Variants in GALNT14 observed in about 807,000 individuals in gnomAD.
The protein encoded by GALNT14 is polypeptide N-acetylgalactosaminyltransferase 14.
GALNT14 carries 60 observed loss-of-function variants against 77.5 expected under a neutral mutation model. That is an observed-to-expected ratio of 0.77 (90% CI 0.63 to 0.96). GALNT14 has a LOEUF of 0.96. Among genes scored for constraint, GALNT14 ranks in the 40% least tolerant of loss-of-function variants. GALNT14 has a pLI of 0.00. For synonymous variants in GALNT14, 280 were observed against 281.7 expected (o/e 0.99, Z 0.06); for missense variants, 710 against 731.0 (o/e 0.97, Z 0.33).
intron 9 of GALNT14, among the ~76,000 whole-genome samples, chr2:30,940,441 G>A (rs1057211168): frequency 2.6e-5 from 4 of 152,212 alleles, no homozygotes; most frequent in African/African-American, 9.7e-5. Flanking sequence ...AGAAGATGGG[G>A]TAGCTAGGCT....
At chr2:30,937,186 C>T (rs1037785449) in intron 9 of GALNT14, among the ~76,000 whole-genome samples, 4 of 152,232 alleles carry the variant, frequency 2.6e-5, no homozygotes, top group Admixed American at 1.3e-4. Context: ...TAAACTACTC[C>T]AGCAGGTCAC....
At chr2:31,032,333 C>T (rs986828200) in intron 1 of GALNT14, among the ~76,000 whole-genome samples, 2 of 152,152 alleles carry the variant, frequency 1.3e-5, no homozygotes, top group Admixed American at 6.5e-5. Context: ...CGCCTAAGCC[C>T]AGGGTTGGGA....
At chr2:31,027,652 T>C (rs1051493283) in intron 1 of GALNT14, among the ~76,000 whole-genome samples, 2 of 152,172 alleles carry the variant, frequency 1.3e-5, no homozygotes, top group Non-Finnish European at 2.9e-5. Flanking sequence ...CAAGAATTCC[T>C]TTCAGGATTA....
chr2:30,960,233 C>T (rs1667601915), intron 3 of GALNT14, among the ~76,000 whole-genome samples: 1 of 152,130 alleles, frequency 6.6e-6, no homozygotes, highest in Non-Finnish European at 1.5e-5. Flanking sequence ...CCAAAGAAAA[C>T]ACATACAAAC....
At chr2:30,966,555 T>C (rs573362792) in intron 2 of GALNT14, among the ~76,000 whole-genome samples, 1 of 152,080 alleles carries the variant, frequency 6.6e-6, no homozygotes, top group Non-Finnish European at 1.5e-5. Flanking sequence ...ACGAATTGAG[T>C]TGATATACTG....
chr2:31,097,568 G>C (rs1254502988), intron 1 of GALNT14, among the ~76,000 whole-genome samples: 1 of 152,014 alleles, frequency 6.6e-6, no homozygotes. Flanking sequence ...GAGTGTTATG[G>C]CCTATAAGAA....
In GALNT14 at chr2:31,128,378, G is replaced by A. The variant is rs374110884; in HGVS notation, c.129+9580C>T. Among the ~76,000 whole-genome samples, 331 of 152,284 alleles carry A rather than the reference G, an allele frequency of 2.2e-3. 4 individuals carry two copies. The South Asian group carries it at 0.025, about 11-fold the overall frequency. Reference sequence around the variant, plus strand: ...AGGGCACCCTCTACATTAAGGTGACGTTGGATATCTTCTAAAGTCACTTCC... The same window carrying A: ...AGGGCACCCTCTACATTAAGGTGACATTGGATATCTTCTAAAGTCACTTCC... On this transcript the variant is annotated intron_variant, in intron 1 of 14. Transcript: ENST00000349752.
rs1573030994 is a variant in GALNT14 at position 30,955,646 on chromosome 2, A to G, written c.626T>C (p.Leu209Pro). The G allele has an allele frequency of 6.2e-7, 1 of 1,614,180 alleles. No homozygotes were observed. The highest frequency in any genetic ancestry group is 8.5e-7 in the Non-Finnish European group (1 of 1,180,030). ...TTTGACCCTGTGCAACAGAGGCTGG[A>G]GCCAGTCCCTGTTCACCTCACAGTG... ...DSHCEVNRDW[L>P]QPLLHRVKED... Residue 209 changes from leucine (L) to proline (P), a missense_variant, in exon 6 of 15, where the codon CTC (leucine) becomes CCC (proline). By Grantham distance (98) the Leu-to-Pro change is moderately conservative. Coordinates refer to ENST00000349752, the MANE Select transcript of GALNT14 (RefSeq NM_024572.4).
chr2:30,911,164 A>G, intron 14 of GALNT14, 105 bp from the exon 15 acceptor site: 1 of 994,346 alleles, frequency 1.0e-6, no homozygotes, highest in Non-Finnish European at 1.5e-6. Flanking sequence ...TCACTGAGAG[A>G]CTTGATTTCA....
intron 1 of GALNT14, chr2:31,132,835 C>T: frequency 4.9e-6 from 2 of 407,800 alleles, no homozygotes; most frequent in Non-Finnish European, 1.0e-5. Context: ...AGGAGTCATG[C>T]AGCTGGAGGC....
intron 9 of GALNT14, among the ~76,000 whole-genome samples, chr2:30,937,677 G>T (rs1666136903): frequency 6.6e-6 from 1 of 152,132 alleles, no homozygotes; most frequent in Non-Finnish European, 1.5e-5. Flanking sequence ...ACTTTTAAGG[G>T]CTCAAGTGTT....
At position 31,088,008 on chromosome 2, in the gene GALNT14, C is replaced by A. The variant is rs4951966; in HGVS notation, c.129+49950G>T. Among the ~76,000 whole-genome samples, 1,928 of 152,292 alleles carry A rather than the reference C, an allele frequency of 0.013. 123 individuals are homozygous for A. In the East Asian group the frequency reaches 0.19, roughly 15 times the overall value. Reference sequence around the variant, plus strand: ...ATGAACCAGAGAGTGGACCTTTGACCAGATACAGAATCCACTGGCGCTTTG... The same window carrying A: ...ATGAACCAGAGAGTGGACCTTTGACAAGATACAGAATCCACTGGCGCTTTG... On this transcript the variant is annotated intron_variant, in intron 1 of 14. Coordinates refer to ENST00000349752, the MANE Select transcript of GALNT14 (RefSeq NM_024572.4).
chr2:30,971,523 G>A (rs1668355475), intron 2 of GALNT14, among the ~76,000 whole-genome samples: 1 of 152,120 alleles, frequency 6.6e-6, no homozygotes. Flanking sequence ...CTGACATGCT[G>A]TTTCTTTCTC....
chr2:30,937,728 C>T (rs1049522894), intron 9 of GALNT14, among the ~76,000 whole-genome samples: 5 of 152,308 alleles, frequency 3.3e-5, no homozygotes, highest in Middle Eastern at 3.4e-3. Context: ...AATCTGCTAC[C>T]TTCAGGTCAC....
chr2:31,061,279 T>G (rs1458704854), intron 1 of GALNT14, among the ~76,000 whole-genome samples: 1 of 152,172 alleles, frequency 6.6e-6, no homozygotes, highest in Non-Finnish European at 1.5e-5. Context: ...ATCCAGCTTC[T>G]CAAACCAGAA....
chr2:31,018,123 A>G (rs955642205), intron 1 of GALNT14, among the ~76,000 whole-genome samples: 2 of 152,248 alleles, frequency 1.3e-5, no homozygotes, highest in Non-Finnish European at 2.9e-5. Flanking sequence ...AAATCCTTGG[A>G]GAGCAAGTAG....
chr2:31,054,001 C>T (rs1674059926), intron 1 of GALNT14, among the ~76,000 whole-genome samples: 1 of 152,216 alleles, frequency 6.6e-6, no homozygotes, highest in Admixed American at 6.5e-5. Flanking sequence ...AAAATCCACA[C>T]AGTTCATTCA....
chr2:30,955,944 T>C lies in GALNT14; in HGVS notation c.500A>G (p.Lys167Arg). ...TTCATTATTGCGCAAGCATTTCACC[T>C]TGGGCAACTTGATGAGCTGTTTACA... ...DDCKQLIKLP[K>R]VKCLRNNERQ... Residue 167 changes from lysine (K) to arginine (R), a missense_variant, in exon 5 of 15, where the codon AAG becomes AGG. Coordinates refer to ENST00000349752, the MANE Select transcript of GALNT14 (RefSeq NM_024572.4). The C allele has an allele frequency of 2.5e-6, 4 of 1,614,178 alleles. No homozygotes were observed. The Middle Eastern group carries it at 6.7e-4, about 269-fold the overall frequency.
downstream of GALNT14, among the ~76,000 whole-genome samples, chr2:30,905,770 A>G (rs1171027870): frequency 6.7e-6 from 1 of 149,126 alleles, no homozygotes; most frequent in Non-Finnish European, 1.5e-5. Context: ...CAGATTCACC[A>G]AAGTTGAAAT....
Sources: allele counts gnomAD v4.1 joint callset (sites outside exome capture counted in the v4.1 genomes callset), GRCh38; gene constraint gnomAD v4.1.1; transcripts MANE v1.5; gene names NCBI Gene and HGNC (gene_info 2026-07-23, HGNC 2026-07-21).